LOC400499: variants seen among roughly 807,000 people sequenced by gnomAD.
At chr16:11,512,302 T>C in the LOC400499 span, among the ~76,000 whole-genome samples, 1 of 141,114 alleles carries the variant, frequency 7.1e-6, no homozygotes, top group Non-Finnish European at 1.5e-5. Flanking sequence ...ATAAATAAAA[T>C]AATAATAATA....
chr16:11,425,293 G>A, the LOC400499 span: 1 of 399,060 alleles, frequency 2.5e-6, no homozygotes, highest in Non-Finnish European at 4.4e-6. Flanking sequence ...TTCAGCTGGA[G>A]CTCTCCAGGC....
At chr16:11,457,827 C>T in the LOC400499 span, among the ~76,000 whole-genome samples, 80 of 152,260 alleles carry the variant, frequency 5.3e-4, no homozygotes, top group Non-Finnish European at 2.4e-4. Flanking sequence ...ATGGAGTATT[C>T]GGCCTTAAAA....
chr16:11,420,338 A>T, the LOC400499 span, among the ~76,000 whole-genome samples: 1 of 151,216 alleles, frequency 6.6e-6, no homozygotes, highest in African/African-American at 2.4e-5. Flanking sequence ...GCAAACTATC[A>T]CAAGGACAAA....
At chr16:11,376,411 T>G in the LOC400499 span, among the ~76,000 whole-genome samples, 3 of 152,176 alleles carry the variant, frequency 2.0e-5, no homozygotes, top group Non-Finnish European at 2.9e-5. Context: ...CTTTTGCATG[T>G]GGATATCTAG....
chr16:11,501,998 G>C, the LOC400499 span: 1 of 397,804 alleles, frequency 2.5e-6, no homozygotes, highest in South Asian at 1.3e-4. Context: ...GGGAACCCAG[G>C]ACAGCACGAA....
chr16:11,516,526 G>A, the LOC400499 span, among the ~76,000 whole-genome samples: 1 of 152,106 alleles, frequency 6.6e-6, no homozygotes, highest in Non-Finnish European at 1.5e-5. Context: ...TTTCACCCCG[G>A]GACAAATGGA....
chr16:11,475,779 C>G, the LOC400499 span: 1 of 397,224 alleles, frequency 2.5e-6, no homozygotes, highest in Non-Finnish European at 4.4e-6. Context: ...ACAAGTAACA[C>G]CTTGAGCTGC....
At chr16:11,425,460 A>C in the LOC400499 span, 4 of 399,042 alleles carry the variant, frequency 1.0e-5, no homozygotes, top group Non-Finnish European at 1.3e-5. Context: ...AGAAGAACAG[A>C]GCAGAGGCGG....
chr16:11,387,919 T>C, the LOC400499 span, among the ~76,000 whole-genome samples: 1 of 152,168 alleles, frequency 6.6e-6, no homozygotes, highest in Non-Finnish European at 1.5e-5. Flanking sequence ...CCACTGTGCC[T>C]GGCCAACAGG....
chr16:11,453,552 C>A, the LOC400499 span, among the ~76,000 whole-genome samples: 6 of 151,926 alleles, frequency 3.9e-5, no homozygotes, highest in Admixed American at 6.6e-5. Context: ...ACAACAACAA[C>A]AAAAAAGAGC....
the LOC400499 span, chr16:11,424,275 G>T: frequency 2.5e-6 from 1 of 399,244 alleles, no homozygotes; most frequent in South Asian, 1.3e-4. Flanking sequence ...GTTCCACAGC[G>T]CCAGGCGTGC....
chr16:11,399,893 C>A, the LOC400499 span: 1 of 398,352 alleles, frequency 2.5e-6, no homozygotes, highest in East Asian at 3.6e-5. Flanking sequence ...GTCCCCACAG[C>A]CATCTCTGTT....
the LOC400499 span, chr16:11,446,515 T>C: frequency 6.5e-7 from 1 of 1,527,528 alleles, no homozygotes; most frequent in Non-Finnish European, 8.8e-7. Flanking sequence ...CAGGGCTGGC[T>C]GGGGTGCAAA....
the LOC400499 span, among the ~76,000 whole-genome samples, chr16:11,483,994 CTTTTTTTTTT>C: frequency 3.4e-4 from 12 of 34,860 alleles, no homozygotes; most frequent in East Asian, 8.1e-3. Flanking sequence ...GAGGAAGGGA[CTTTTTTTTTT>C]TTTTTTTTTT....
the LOC400499 span, among the ~76,000 whole-genome samples, chr16:11,518,634 C>T: frequency 5.3e-5 from 8 of 152,114 alleles, no homozygotes; most frequent in Admixed American, 2.0e-4. Flanking sequence ...AGAGCACCTG[C>T]GGCTATCTGG....
At chr16:11,492,971 G>A in the LOC400499 span, among the ~76,000 whole-genome samples, 200 of 152,232 alleles carry the variant, frequency 1.3e-3, no homozygotes, top group Non-Finnish European at 2.4e-3. Flanking sequence ...GGGGACATCT[G>A]GAGGAAAAGT....
the LOC400499 span, chr16:11,500,986 G>A: frequency 2.5e-6 from 1 of 398,876 alleles, no homozygotes; most frequent in East Asian, 3.6e-5. Context: ...TCATCAAGGC[G>A]ACCCACACGT....
chr16:11,491,968 C>A, the LOC400499 span: 2,599 of 394,430 alleles, frequency 6.6e-3, 16 homozygotes, highest in Non-Finnish European at 9.6e-3. Context: ...GCCCCTACTG[C>A]GGGAGGCTTC....
chr16:11,384,803 C>G, the LOC400499 span: 2 of 1,163,530 alleles, frequency 1.7e-6, no homozygotes, highest in South Asian at 4.4e-5. Flanking sequence ...TGCACGGTAG[C>G]CCCCTGCCGC....
Sources: gnomAD v4.1 joint callset for allele counts (sites outside exome capture counted in the v4.1 genomes callset) on GRCh38, gnomAD v4.1.1 for gene constraint, MANE v1.5 for transcripts.